The following KCTD3 variants were observed in gnomAD, a reference collection of about 807,000 sequenced individuals.
The protein encoded by KCTD3 is BTB/POZ domain-containing protein KCTD3.
A neutral mutation model predicts 85.8 loss-of-function variants in KCTD3; 41 were observed. The ratio of observed to expected loss-of-function variants is 0.48; its 90% confidence interval spans 0.37 to 0.62. The LOEUF (loss-of-function observed/expected upper bound fraction) is 0.62, where lower values mean the gene tolerates loss of function less well. KCTD3 is among the 20% of genes least tolerant of loss of function. The pLI, the probability that KCTD3 is intolerant of heterozygous loss-of-function variation, is 0.00. For synonymous variants in KCTD3, 338 were observed against 345.4 expected, an observed-to-expected ratio of 0.98 and a Z score of 0.24; for missense variants, 724 against 989.9, an observed-to-expected ratio of 0.73 and a Z score of 3.60.
At chr1:215,580,458 G>A (rs530996505) in intron 8 of KCTD3, among the ~76,000 whole-genome samples, 1 of 152,120 alleles carries the variant, frequency 6.6e-6, no homozygotes, top group South Asian at 2.1e-4. Context: ...TATTGCACAA[G>A]TGGTATAGTT....
chr1:215,611,442 T>C (rs1449862727), intron 14 of KCTD3, among the ~76,000 whole-genome samples: 1 of 152,044 alleles, frequency 6.6e-6, no homozygotes, highest in Non-Finnish European at 1.5e-5. Context: ...AAAAGTAAAA[T>C]CACTACATGA....
At chr1:215,575,134 C>T (rs1416604304) in intron 3 of KCTD3, among the ~76,000 whole-genome samples, 1 of 152,024 alleles carries the variant, frequency 6.6e-6, no homozygotes, top group East Asian at 1.9e-4. Context: ...TGCCTCTAAT[C>T]CCAGCTACTC....
At position 215,618,890 on chromosome 1, in the gene KCTD3, T is replaced by C; in HGVS notation, c.1567T>C (p.Cys523Arg). The C allele has an allele frequency of 6.3e-7, 1 of 1,593,528 alleles. No individual in the cohort carries two copies. The highest frequency in any genetic ancestry group is 8.5e-7 in the Non-Finnish European group (1 of 1,174,830). The change falls in exon 16 of 18, where the codon TGT (cysteine) becomes CGT (arginine). Residue 523 changes from cysteine (C) to arginine (R), a missense_variant. Coordinates refer to ENST00000259154, the MANE Select transcript of KCTD3 (RefSeq NM_016121.5). ...VRLSSTGKRI[C>R]EIQAVDCTTI... The stretch of plus-strand genomic sequence containing the variant: ...CTTTCTGCTTTTCTTTTGCAGAATA[T>C]GTGAGATCCAGGCTGTTGACTGTAC...
chr1:215,582,492 G>A (rs1488366685), intron 8 of KCTD3, among the ~76,000 whole-genome samples: 1 of 152,130 alleles, frequency 6.6e-6, no homozygotes, highest in African/African-American at 2.4e-5. Flanking sequence ...AGATGATGGA[G>A]AGGTGAAATA....
At chr1:215,611,248 GTACTT>G (rs1030485328) in intron 14 of KCTD3, among the ~76,000 whole-genome samples, 38 of 152,006 alleles carry the variant, frequency 2.5e-4, no homozygotes, top group Middle Eastern at 3.4e-3. Context: ...ATTTTATACT[GTACTT>G]TAATCTTCAT....
At chr1:215,612,238 A>T (rs866313929) in intron 15 of KCTD3, among the ~76,000 whole-genome samples, 3 of 152,152 alleles carry the variant, frequency 2.0e-5, no homozygotes, top group African/African-American at 7.2e-5. Context: ...TCTTTAAAAA[A>T]CCTGGAACTT....
chr1:215,570,347 A>G (rs1053605133), intron 1 of KCTD3, among the ~76,000 whole-genome samples: 4 of 152,174 alleles, frequency 2.6e-5, no homozygotes, highest in African/African-American at 7.2e-5. Context: ...AGTAGAGTAG[A>G]TGAAGTTTCA....
chr1:215,586,326 T>C (rs1414167309), intron 8 of KCTD3, among the ~76,000 whole-genome samples, 169 bp from the exon 9 acceptor site: 2 of 152,178 alleles, frequency 1.3e-5, no homozygotes, highest in Non-Finnish European at 2.9e-5. Context: ...TGTGGCTTCA[T>C]AGGCAATATA....
chr1:215,577,700 A>G lies in KCTD3; in HGVS notation c.288A>G (p.Glu96=). The G allele has an allele frequency of 6.2e-7, 1 of 1,601,776 alleles. No individual in the cohort carries two copies. The highest frequency in any genetic ancestry group is 2.2e-5 in the East Asian group (1 of 44,748). Residue 96 remains glutamate (E), a synonymous_variant, in exon 5 of 18, where the codon GAA becomes GAG. Coordinates refer to ENST00000259154, the MANE Select transcript of KCTD3 (RefSeq NM_016121.5). The part of the protein sequence containing the change: ...RGVSINVLRH[E]AEFYGITPLV... ...TGAGTATTAATGTTCTCAGGCATGA[A>G]GCAGAATTTTACGGGATCACTCCAT...
In KCTD3 at chr1:215,604,167, A is replaced by G; in HGVS notation, c.1174A>G (p.Thr392Ala). 6.2e-7 allele frequency: 1 copy of G among 1,613,690 alleles called. No homozygotes were observed. The highest frequency in any genetic ancestry group is 8.5e-7 in the Non-Finnish European group (1 of 1,179,808). The change falls in exon 13 of 18, where the codon ACG (threonine) becomes GCG (alanine). Residue 392 changes from threonine (T) to alanine (A), a missense_variant. Thr to Ala is a moderately conservative substitution (Grantham distance 58). This residue lies in a region of KCTD3 where 146 missense variants were observed against 320.3 expected (regional missense o/e 0.46). Transcript: ENST00000259154. ...SGNWIEIAYG[T>A]SSGAVRVIVQ... ...TAACTGGATCGAGATCGCCTATGGT[A>G]CGAGCTCTGGAGCAGTACGAGTGAT... is the stretch of plus-strand genomic sequence containing the variant.
intron 10 of KCTD3, among the ~76,000 whole-genome samples, chr1:215,599,105 T>A (rs961755760): frequency 1.1e-4 from 17 of 152,194 alleles, no homozygotes; most frequent in Non-Finnish European, 1.9e-4. Flanking sequence ...CAACGGGCAT[T>A]CTCCAAATGG....
At position 215,604,129 on chromosome 1, in the gene KCTD3, T is replaced by A; in HGVS notation, c.1139-3T>A. On this transcript the variant is annotated splice_polypyrimidine_tract_variant and splice_region_variant and intron_variant, in intron 12 of 17. Coordinates refer to ENST00000259154, the MANE Select transcript of KCTD3 (RefSeq NM_016121.5). Reference sequence around the variant, plus strand: ...TCACCTGTCAACTCTTGACTTTATATAGGTGTCAGTGGTAACTGGATCGAG... The same window carrying A: ...TCACCTGTCAACTCTTGACTTTATAAAGGTGTCAGTGGTAACTGGATCGAG... 6.2e-7 allele frequency: 1 copy of A among 1,604,808 alleles called. No individual in the cohort carries two copies. The highest frequency in any genetic ancestry group is 8.5e-7 in the Non-Finnish European group (1 of 1,176,514).
chr1:215,592,467 A>G (rs1442564220), intron 9 of KCTD3, among the ~76,000 whole-genome samples: 1 of 152,214 alleles, frequency 6.6e-6, no homozygotes, highest in African/African-American at 2.4e-5. Context: ...ACTTTAAGAA[A>G]AGAAAATTTA....
At chr1:215,578,602 C>T (rs1659677892) in intron 6 of KCTD3, among the ~76,000 whole-genome samples, 1 of 152,082 alleles carries the variant, frequency 6.6e-6, no homozygotes. Flanking sequence ...AAAATGTTCC[C>T]CTGTCAAATA....
chr1:215,571,920 C>T lies in KCTD3; in HGVS notation c.84-1866C>T, dbSNP rs11582279. Among the ~76,000 whole-genome samples, 165 of 152,254 alleles carry T rather than the reference C, an allele frequency of 1.1e-3. 1 individual carries two copies. The highest frequency in any genetic ancestry group is 1.9e-3 in the Admixed American group (29 of 15,304). ...TGCTGGGATTACAGGCGTGAGCCAC[C>T]GCGCCTAGCCGAGATAAACTTTTAA... On this transcript the variant is annotated intron_variant, in intron 1 of 17. Coordinates refer to ENST00000259154, the MANE Select transcript of KCTD3 (RefSeq NM_016121.5).
Position 215,618,866 on chromosome 1 carries a change from T to G in KCTD3, c.1563-20T>G. ...TAATTGCTCATTCCCATCAGGGCTC[T>G]TTCTGCTTTTCTTTTGCAGAATATG... On this transcript the variant is annotated intron_variant, in intron 15 of 17. Transcript: ENST00000259154. 6.4e-7 allele frequency: 1 copy of G among 1,558,564 alleles called. No individual in the cohort carries two copies. The highest frequency in any genetic ancestry group is 1.2e-5 in the South Asian group (1 of 80,516).
rs1283089920 is a variant in KCTD3, at chr1:215,620,401, A to T, written c.2231A>T (p.Glu744Val). Reference sequence around the variant, plus strand: ...TCAGAATCCAAGAAAAGGTCATCAGAAGATGAAAATGAAAATAAAATAGAG... The same window carrying T: ...TCAGAATCCAAGAAAAGGTCATCAGTAGATGAAAATGAAAATAAAATAGAG... ...GFSESKKRSS[E>V]DENENKIEFR... The change falls in exon 18 of 18, where the codon GAA becomes GTA. Residue 744 changes from glutamate (E) to valine (V), a missense_variant. By Grantham distance (121) the Glu-to-Val change is moderately radical. Coordinates refer to ENST00000259154, the MANE Select transcript of KCTD3 (RefSeq NM_016121.5). 1 of 1,612,530 alleles carries T rather than the reference A, an allele frequency of 6.2e-7. No individual in the cohort carries two copies. Among genetic ancestry groups the T allele is most frequent in the Non-Finnish European group, 8.5e-7 (1 of 1,179,106 alleles).
At chr1:215,586,839 GA>G (rs1660027806) in intron 9 of KCTD3, among the ~76,000 whole-genome samples, 154 bp downstream of exon 9, 1 of 152,106 alleles carries the variant, frequency 6.6e-6, no homozygotes. Flanking sequence ...GATAATGAAG[GA>G]AAAATGATGT....
At chr1:215,577,751 G>T (rs757158523) in intron 5 of KCTD3, 23 bp downstream of exon 5, 8 of 1,543,824 alleles carry the variant, frequency 5.2e-6, no homozygotes. Flanking sequence ...TTAATATTTG[G>T]TGTTTATGAT....
Sources: gnomAD v4.1 joint callset for allele counts (sites outside exome capture counted in the v4.1 genomes callset) on GRCh38, gnomAD v4.1.1 for gene constraint, gnomAD v4.1.1 regional missense constraint, MANE v1.5 for transcripts, NCBI Gene and HGNC (gene_info 2026-07-23, HGNC 2026-07-21) for gene names.